TAF1B: variants seen among roughly 807,000 people sequenced by gnomAD.
The protein encoded by TAF1B is TATA box-binding protein-associated factor RNA polymerase I subunit B.
In TAF1B, 61 loss-of-function variants were observed where a neutral mutation model predicts 83.9. The observed-to-expected ratio is 0.73, with a 90% CI of 0.59 to 0.90. TAF1B has a LOEUF of 0.90. TAF1B is among the 40% of genes least tolerant of loss of function. The pLI is 0.00. For synonymous variants in TAF1B, 221 were observed against 224.6 expected (o/e 0.98, Z 0.14); for missense variants, 625 against 677.0 (o/e 0.92, Z 0.85).
intron 6 of TAF1B, 196 bp downstream of exon 6, chr2:9,868,625 A>G (rs774542693): frequency 3.7e-6 from 3 of 802,860 alleles, no homozygotes; most frequent in Admixed American, 2.0e-5. Context: ...TAAAAGGCAC[A>G]TTGTCTCCAT....
At chr2:9,904,817 G>T (rs450194) in intron 8 of TAF1B, 42 bp from the exon 9 acceptor site, 526,339 of 1,562,474 alleles carry the variant, frequency 0.34, 93,128 homozygotes, top group Middle Eastern at 0.39. Flanking sequence ...AATAAGTTTT[G>T]TTGCAAAAAT....
intron 8 of TAF1B, among the ~76,000 whole-genome samples, chr2:9,902,790 A>G (rs995565585): frequency 2.6e-5 from 4 of 152,250 alleles, no homozygotes; most frequent in Non-Finnish European, 5.9e-5. Flanking sequence ...CCTAGGAGGT[A>G]CATATGCTCA....
chr2:9,849,134 A>C (rs965796195), intron 2 of TAF1B, among the ~76,000 whole-genome samples: 2 of 152,244 alleles, frequency 1.3e-5, no homozygotes, highest in African/African-American at 4.8e-5. Context: ...TTATTCATTT[A>C]ACAAACACTT....
intron 8 of TAF1B, among the ~76,000 whole-genome samples, 194 bp from the exon 9 acceptor site, chr2:9,904,665 A>G (rs544091965): frequency 3.3e-5 from 5 of 152,362 alleles, no homozygotes; most frequent in South Asian, 2.1e-4. Flanking sequence ...AGAAATCTCC[A>G]AACTGCTTTC....
Position 9,922,980 on chromosome 2 carries a change from C to T in TAF1B, c.1565+3160C>T, listed in dbSNP as rs936921588. 2.0e-5 allele frequency among the ~76,000 whole-genome samples: 3 copies of T among 152,234 alleles called. No homozygotes were observed. In the East Asian group the frequency reaches 5.8e-4, roughly 29 times the overall value. On this transcript the variant is annotated intron_variant, in intron 14 of 14. Coordinates refer to ENST00000263663, the MANE Select transcript of TAF1B (RefSeq NM_005680.3). ...ATTTCCTGGTCTGGGCTTGGTGGCT[C>T]CACCTGTAATCCTAGCACTTAGGGA...
chr2:9,928,205 T>C (rs1666102182), intron 14 of TAF1B, among the ~76,000 whole-genome samples: 1 of 152,218 alleles, frequency 6.6e-6, no homozygotes, highest in South Asian at 2.1e-4. Flanking sequence ...AGGCCTCTGT[T>C]CTGTTCCATT....
rs7567264 is a variant in TAF1B, at chr2:9,924,587, T to G, written c.1565+4767T>G. Among the ~76,000 whole-genome samples, 969 of 152,354 alleles carry G rather than the reference T, an allele frequency of 6.4e-3. 17 individuals are homozygous for G. The highest frequency in any genetic ancestry group is 0.022 in the African/African-American group (906 of 41,586). ...CTGTGTGCCTTCGTGGTGGGTTTTA[T>G]TAGCATGTTTTCTAATGTTTCTACA... On this transcript the variant is annotated intron_variant, in intron 14 of 14. Transcript: ENST00000263663.
At chr2:9,861,790 A>G (rs1299328143) in intron 5 of TAF1B, among the ~76,000 whole-genome samples, 3 of 152,206 alleles carry the variant, frequency 2.0e-5, no homozygotes, top group Non-Finnish European at 2.9e-5. Flanking sequence ...CGGTTCACCA[A>G]TATCCGCTGT....
intron 14 of TAF1B, among the ~76,000 whole-genome samples, chr2:9,928,894 A>G (rs572217268): frequency 4.6e-5 from 7 of 152,138 alleles, no homozygotes; most frequent in African/African-American, 9.7e-5. Flanking sequence ...TTCCAACACT[A>G]TGTTGAATAG....
intron 11 of TAF1B, among the ~76,000 whole-genome samples, chr2:9,912,645 G>A (rs1665567697): frequency 6.6e-6 from 1 of 152,150 alleles, no homozygotes; most frequent in Non-Finnish European, 1.5e-5. Context: ...AATCCATGCT[G>A]TCAGCAGGGC....
In TAF1B at chr2:9,888,240, A is replaced by G. The variant is rs1407544499; in HGVS notation, c.807+5435A>G. On this transcript the variant is annotated intron_variant, in intron 8 of 14. Coordinates refer to ENST00000263663, the MANE Select transcript of TAF1B (RefSeq NM_005680.3). ...ACTTGTATAGAGTAAGACCCTTACA[A>G]CAGAGTATTTCCACTTCCCTCCTCC... is the stretch of plus-strand genomic sequence containing the variant. Among the ~76,000 whole-genome samples, 5 of 152,178 alleles carry G rather than the reference A, an allele frequency of 3.3e-5. No individual in the cohort carries two copies. The South Asian group carries it at 8.3e-4, about 25-fold the overall frequency.
intron 14 of TAF1B, among the ~76,000 whole-genome samples, chr2:9,928,255 T>C (rs1346849537): frequency 6.6e-6 from 1 of 152,204 alleles, no homozygotes; most frequent in East Asian, 1.9e-4. Flanking sequence ...CATGCTGTTT[T>C]GGTTACTGTA....
At chr2:9,875,055 A>G (rs62127137) in intron 6 of TAF1B, among the ~76,000 whole-genome samples, 36,790 of 151,434 alleles carry the variant, frequency 0.24, 5,013 homozygotes, top group East Asian at 0.3. Flanking sequence ...GCAACCTCCC[A>G]GGTTCAAGCA....
At chr2:9,885,547 A>G (rs415676) in intron 8 of TAF1B, among the ~76,000 whole-genome samples, 42,484 of 152,218 alleles carry the variant, frequency 0.28, 6,920 homozygotes, top group Middle Eastern at 0.4. Context: ...GAGCAATTCC[A>G]ATAGATTTGG....
chr2:9,874,816 A>G (rs1439337003), intron 6 of TAF1B, among the ~76,000 whole-genome samples: 1 of 152,182 alleles, frequency 6.6e-6, no homozygotes, highest in African/African-American at 2.4e-5. Flanking sequence ...AGTTTTGGAG[A>G]GGCCTTGTAG....
intron 14 of TAF1B, among the ~76,000 whole-genome samples, chr2:9,928,953 TG>T (rs1373779036): frequency 6.6e-6 from 1 of 152,200 alleles, no homozygotes; most frequent in African/African-American, 2.4e-5. Flanking sequence ...TCAAAGGGAA[TG>T]CTTCCAGTTT....
intron 5 of TAF1B, among the ~76,000 whole-genome samples, chr2:9,858,290 A>G (rs1447228080): frequency 2.0e-5 from 3 of 152,222 alleles, no homozygotes; most frequent in African/African-American, 2.4e-5. Context: ...CTTTGACTCC[A>G]TGTCTCACAT....
upstream of TAF1B, chr2:9,843,463 G>GT (rs1663082651): frequency 2.6e-5 from 35 of 1,339,948 alleles, no homozygotes; most frequent in South Asian, 4.4e-4. Flanking sequence ...CCGGCCGGAA[G>GT]CTTCTCCAGC....
chr2:9,895,505 G>A (rs149231212), intron 8 of TAF1B, among the ~76,000 whole-genome samples: 18 of 149,750 alleles, frequency 1.2e-4, no homozygotes, highest in Non-Finnish European at 1.0e-4. Context: ...TGTCTCAAAA[G>A]AAAAAAAAAA....
Sources: gnomAD v4.1 joint callset for allele counts (sites outside exome capture counted in the v4.1 genomes callset) on GRCh38, gnomAD v4.1.1 for gene constraint, MANE v1.5 for transcripts, NCBI Gene and HGNC (gene_info 2026-07-23, HGNC 2026-07-21) for gene names.